Variants in ANTXR1 observed in about 807,000 individuals in gnomAD.
ANTXR1 encodes ANTXR cell adhesion molecule 1.
ANTXR1 carries 19 observed loss-of-function variants against 78.1 expected under a neutral mutation model. The ratio of observed to expected loss-of-function variants is 0.24; its 90% CI spans 0.17 to 0.36. The LOEUF is 0.36. ANTXR1 is among the 10% of genes least tolerant of loss of function. ANTXR1 has a pLI of 1.00. For synonymous variants in ANTXR1, 273 were observed against 260.5 expected (o/e 1.05, Z -0.46); for missense variants, 518 against 718.6 (o/e 0.72, Z 3.19).
In ANTXR1 at chr2:69,134,429, C is replaced by T. The variant is rs1009917682; in HGVS notation, c.951+9786C>T. On this transcript the variant is annotated intron_variant, in intron 12 of 17. Transcript: ENST00000303714. Reference sequence around the variant, plus strand: ...GTTTCTGGCTTCGTTTTTAAAAAGGCCTTTTTAATTAGCTGCATTGGGTGG... The same window carrying T: ...GTTTCTGGCTTCGTTTTTAAAAAGGTCTTTTTAATTAGCTGCATTGGGTGG... 5.3e-5 allele frequency among the ~76,000 whole-genome samples: 8 copies of T among 152,088 alleles called. No individual in the cohort carries two copies. The South Asian group carries it at 1.4e-3, about 28-fold the overall frequency.
At chr2:69,212,851 C>T (rs908705451) in intron 17 of ANTXR1, among the ~76,000 whole-genome samples, 1 of 152,004 alleles carries the variant, frequency 6.6e-6, no homozygotes, top group Non-Finnish European at 1.5e-5. Flanking sequence ...CTATATTGCC[C>T]AGGCCAGAGT....
chr2:69,115,922 G>A (rs1447408961), intron 10 of ANTXR1, among the ~76,000 whole-genome samples: 3 of 152,190 alleles, frequency 2.0e-5, no homozygotes, highest in African/African-American at 7.2e-5. Flanking sequence ...TTTAGCCCAA[G>A]ATAAGAGGAC....
chr2:69,229,200 C>T (rs1417837477), intron 17 of ANTXR1, among the ~76,000 whole-genome samples: 1 of 152,160 alleles, frequency 6.6e-6, no homozygotes, highest in Non-Finnish European at 1.5e-5. Flanking sequence ...CACACACATT[C>T]GGTCCATAAC....
chr2:69,176,806 C>T (rs1674135009), intron 14 of ANTXR1, among the ~76,000 whole-genome samples: 1 of 152,212 alleles, frequency 6.6e-6, no homozygotes, highest in African/African-American at 2.4e-5. Flanking sequence ...GTTTGATTCT[C>T]TTTCAGTTAT....
At chr2:69,206,733 C>A (rs1674914876) in intron 17 of ANTXR1, among the ~76,000 whole-genome samples, 1 of 152,168 alleles carries the variant, frequency 6.6e-6, no homozygotes. Flanking sequence ...AAGCACACCC[C>A]CCAAAATCAG....
At chr2:69,073,905 C>T (rs1444795437) in intron 6 of ANTXR1, among the ~76,000 whole-genome samples, 1 of 152,230 alleles carries the variant, frequency 6.6e-6, no homozygotes. Flanking sequence ...GAGATGCAGG[C>T]TCTAGAAGAG....
At chr2:69,071,713 C>T (rs760896011) in intron 4 of ANTXR1, 41 bp from the exon 5 acceptor site, 3 of 1,608,128 alleles carry the variant, frequency 1.9e-6, no homozygotes, top group East Asian at 2.2e-5. Flanking sequence ...GAGTGACAAA[C>T]AGTGGTTATA....
At chr2:69,220,990 A>G (rs1011314935) in intron 17 of ANTXR1, among the ~76,000 whole-genome samples, 1 of 152,248 alleles carries the variant, frequency 6.6e-6, no homozygotes, top group African/African-American at 2.4e-5. Flanking sequence ...ATAAGACATC[A>G]TTTAAGGAAT....
At chr2:69,050,111 T>C (rs1669884522) in intron 3 of ANTXR1, among the ~76,000 whole-genome samples, 2 of 151,826 alleles carry the variant, frequency 1.3e-5, no homozygotes, top group Admixed American at 1.3e-4. Context: ...CTGAGCAACA[T>C]AGGGAGACCC....
intron 13 of ANTXR1, among the ~76,000 whole-genome samples, chr2:69,154,917 G>C (rs1673485027): frequency 6.6e-6 from 1 of 152,190 alleles, no homozygotes; most frequent in African/African-American, 2.4e-5. Context: ...CTGGGTAGGA[G>C]AGCAGGCCCA....
At chr2:69,202,805 C>T (rs1267674122) in intron 17 of ANTXR1, among the ~76,000 whole-genome samples, 4 of 152,154 alleles carry the variant, frequency 2.6e-5, no homozygotes, top group East Asian at 3.8e-4. Flanking sequence ...CCCCATTGCT[C>T]CTATGCTGGC....
At chr2:69,230,619 G>A (rs1410924732) in intron 17 of ANTXR1, among the ~76,000 whole-genome samples, 2 of 152,056 alleles carry the variant, frequency 1.3e-5, no homozygotes, top group Admixed American at 6.6e-5. Context: ...CTTCAGAATC[G>A]GGAGAGACTT....
In ANTXR1 at chr2:69,165,811, G is replaced by A. The variant is rs548063146; in HGVS notation, c.1048-4437G>A. Among the ~76,000 whole-genome samples, 4 of 152,280 alleles carry A rather than the reference G, an allele frequency of 2.6e-5. No individual in the cohort carries two copies. In the East Asian group the frequency reaches 5.8e-4, roughly 22 times the overall value. ...AGCAAGTGACAAACACAACGGCAAG[G>A]ATCAAAGCCTACACATTAAGAATCA... On this transcript the variant is annotated intron_variant, in intron 13 of 17. Coordinates refer to ENST00000303714, the MANE Select transcript of ANTXR1 (RefSeq NM_032208.3).
chr2:69,235,599 C>A (rs185615910), intron 17 of ANTXR1, among the ~76,000 whole-genome samples: 1 of 142,384 alleles, frequency 7.0e-6, no homozygotes, highest in Non-Finnish European at 1.5e-5. Flanking sequence ...TTGCAGTGAG[C>A]TGAGATCACA....
intron 3 of ANTXR1, among the ~76,000 whole-genome samples, chr2:69,060,581 G>A (rs1558502874): frequency 1.3e-5 from 2 of 152,178 alleles, no homozygotes; most frequent in African/African-American, 2.4e-5. Flanking sequence ...TGGTGTAATG[G>A]AAATCATGCC....
In ANTXR1 at chr2:69,024,548, C is replaced by A. The variant is rs1388391644; in HGVS notation, c.152+10897C>A. Among the ~76,000 whole-genome samples, 3 of 151,902 alleles carry A rather than the reference C, an allele frequency of 2.0e-5. No individual in the cohort carries two copies. The East Asian group carries it at 5.8e-4, about 29-fold the overall frequency. On this transcript the variant is annotated intron_variant, in intron 1 of 17. Transcript: ENST00000303714. ...CCAGCAAAGAATTGTATTAGTGAGG[C>A]AAGGAGGGACAGAATTTCAATGGGG...
chr2:69,238,996 C>T (rs565738533), intron 17 of ANTXR1, among the ~76,000 whole-genome samples: 26 of 152,296 alleles, frequency 1.7e-4, no homozygotes, highest in African/African-American at 4.6e-4. Context: ...TGCACACAAT[C>T]GGCCCACACC....
chr2:69,204,579 C>A (rs1674851805), intron 17 of ANTXR1, among the ~76,000 whole-genome samples: 1 of 152,182 alleles, frequency 6.6e-6, no homozygotes, highest in African/African-American at 2.4e-5. Context: ...GATCTCTGCT[C>A]TTTTCAAGGT....
At chr2:69,109,213 G>C (rs192647702) in intron 10 of ANTXR1, among the ~76,000 whole-genome samples, 7 of 152,306 alleles carry the variant, frequency 4.6e-5, no homozygotes, top group African/African-American at 1.7e-4. Flanking sequence ...GCACAGTTAA[G>C]AGTCAGTCAG....
Sources: gnomAD v4.1 joint callset for allele counts (sites outside exome capture counted in the v4.1 genomes callset) on GRCh38, gnomAD v4.1.1 for gene constraint, MANE v1.5 for transcripts, NCBI Gene and HGNC (gene_info 2026-07-23, HGNC 2026-07-21) for gene names.